The following CTNNA3 variants were observed in gnomAD, a reference collection of about 807,000 sequenced individuals.
CTNNA3 encodes the protein catenin alpha 3, also known as catenin alpha-3.
A neutral mutation model predicts 95.7 loss-of-function variants in CTNNA3; 76 were observed. The ratio of observed to expected loss-of-function variants is 0.79; its 90% CI spans 0.66 to 0.96. CTNNA3 has a LOEUF of 0.96. CTNNA3 is among the 40% of genes least tolerant of loss of function. CTNNA3 has a pLI of 0.00. For synonymous variants in CTNNA3, 431 were observed against 374.4 expected (o/e 1.15, Z -1.74); for missense variants, 1,191 against 1,089.8 (o/e 1.09, Z -1.31).
intron 7 of CTNNA3, among the ~76,000 whole-genome samples, chr10:66,922,091 T>G (rs943335051): frequency 6.6e-6 from 1 of 152,212 alleles, no homozygotes; most frequent in Non-Finnish European, 1.5e-5. Context: ...CAAAATATGT[T>G]TAGCTATTTG....
chr10:66,893,731 T>A (rs1422354677), intron 7 of CTNNA3, among the ~76,000 whole-genome samples: 1 of 152,148 alleles, frequency 6.6e-6, no homozygotes, highest in Non-Finnish European at 1.5e-5. Flanking sequence ...AAGATGAATC[T>A]TTTCAGTACT....
chr10:66,028,120 A>G (rs1159262952), intron 15 of CTNNA3, among the ~76,000 whole-genome samples: 1 of 152,176 alleles, frequency 6.6e-6, no homozygotes, highest in African/African-American at 2.4e-5. Context: ...TCAACATGGA[A>G]AAATCAGTTT....
At chr10:67,673,702 G>T (rs1372457484) in intron 1 of CTNNA3, among the ~76,000 whole-genome samples, 1 of 148,592 alleles carries the variant, frequency 6.7e-6, no homozygotes, top group Non-Finnish European at 1.5e-5. Context: ...TGCATCCCAG[G>T]GATGAAGCCC....
intron 7 of CTNNA3, among the ~76,000 whole-genome samples, chr10:66,890,944 C>G (rs1845246432): frequency 6.6e-6 from 1 of 152,032 alleles, no homozygotes; most frequent in Non-Finnish European, 1.5e-5. Context: ...TGTGCCCCAC[C>G]CACCTCAATT....
chr10:66,639,667 A>G (rs1486197978), intron 9 of CTNNA3, among the ~76,000 whole-genome samples: 1 of 152,152 alleles, frequency 6.6e-6, no homozygotes, highest in Non-Finnish European at 1.5e-5. Flanking sequence ...CAGTAAAAAG[A>G]TAAAACTTGA....
chr10:66,410,432 C>T (rs911578736), intron 11 of CTNNA3, among the ~76,000 whole-genome samples: 62 of 152,110 alleles, frequency 4.1e-4, no homozygotes, highest in African/African-American at 1.5e-3. Context: ...AACCCAGTAC[C>T]AAATAAAGAG....
At chr10:66,193,114 G>A (rs920852928) in intron 13 of CTNNA3, among the ~76,000 whole-genome samples, 4 of 152,068 alleles carry the variant, frequency 2.6e-5, no homozygotes, top group African/African-American at 9.7e-5. Flanking sequence ...ATTGGGAGAA[G>A]GTACAATGAA....
At chr10:67,594,084 C>G (rs1478888027) in intron 3 of CTNNA3, among the ~76,000 whole-genome samples, 1 of 152,184 alleles carries the variant, frequency 6.6e-6, no homozygotes, top group Non-Finnish European at 1.5e-5. Context: ...TTGAACGGAA[C>G]TTGCATCCCA....
chr10:66,217,915 T>A (rs2131970025), intron 13 of CTNNA3, among the ~76,000 whole-genome samples: 1 of 107,268 alleles, frequency 9.3e-6, no homozygotes, highest in South Asian at 4.6e-4. Context: ...CCAGATGAAG[T>A]CTGTCACCTC....
chr10:66,940,193 T>C (rs1847926813), intron 7 of CTNNA3, among the ~76,000 whole-genome samples: 1 of 152,116 alleles, frequency 6.6e-6, no homozygotes, highest in South Asian at 2.1e-4. Context: ...TAATCTACTT[T>C]AGATTCAAAA....
intron 7 of CTNNA3, among the ~76,000 whole-genome samples, chr10:67,067,257 G>A (rs575118852): frequency 6.6e-5 from 10 of 151,942 alleles, no homozygotes; most frequent in East Asian, 5.8e-4. Context: ...TTGTCTGTTC[G>A]TATTAGAATC....
intron 12 of CTNNA3, among the ~76,000 whole-genome samples, chr10:66,333,524 TGTA>T: frequency 6.6e-6 from 1 of 152,238 alleles, no homozygotes. Flanking sequence ...TTAGTTTCCA[TGTA>T]GTTGAGTGGT....
At chr10:66,800,975 A>G (rs1286602077) in intron 7 of CTNNA3, among the ~76,000 whole-genome samples, 2 of 151,342 alleles carry the variant, frequency 1.3e-5, no homozygotes, top group Non-Finnish European at 3.0e-5. Flanking sequence ...AATTTTTCAC[A>G]TACAAAAAAA....
At chr10:66,711,452 A>T (rs1286104378) in intron 9 of CTNNA3, among the ~76,000 whole-genome samples, 1 of 151,922 alleles carries the variant, frequency 6.6e-6, no homozygotes, top group Non-Finnish European at 1.5e-5. Flanking sequence ...CATATGTCCC[A>T]TTATTCAGTC....
chr10:67,064,460 G>T (rs968164954), intron 7 of CTNNA3, among the ~76,000 whole-genome samples: 2 of 151,996 alleles, frequency 1.3e-5, no homozygotes, highest in Non-Finnish European at 2.9e-5. Flanking sequence ...ATTATAAAAA[G>T]AATTAAAGGA....
intron 5 of CTNNA3, among the ~76,000 whole-genome samples, chr10:67,241,578 C>T (rs991832899): frequency 6.6e-6 from 1 of 152,164 alleles, no homozygotes; most frequent in Non-Finnish European, 1.5e-5. Context: ...AAACAGACCA[C>T]TTGTTTCCTG....
At chr10:66,215,663 A>C (rs2088484727) in intron 13 of CTNNA3, among the ~76,000 whole-genome samples, 1 of 152,220 alleles carries the variant, frequency 6.6e-6, no homozygotes, top group Non-Finnish European at 1.5e-5. Flanking sequence ...TCATGATTTA[A>C]AAGAAAACTA....
At chr10:66,160,544 G>C (rs2084787436) in intron 13 of CTNNA3, among the ~76,000 whole-genome samples, 1 of 151,998 alleles carries the variant, frequency 6.6e-6, no homozygotes, top group Non-Finnish European at 1.5e-5. Flanking sequence ...GCTTGAGAGA[G>C]TGCTTGATAT....
chr10:65,938,080 T>C (rs1156657228), intron 17 of CTNNA3, among the ~76,000 whole-genome samples: 1 of 152,136 alleles, frequency 6.6e-6, no homozygotes, highest in Non-Finnish European at 1.5e-5. Context: ...CTGCAAAGAT[T>C]TTGAAGGAAA....
Sources: allele counts gnomAD v4.1 joint callset (sites outside exome capture counted in the v4.1 genomes callset), GRCh38; gene constraint gnomAD v4.1.1; transcripts MANE v1.5; gene names NCBI Gene and HGNC (gene_info 2026-07-23, HGNC 2026-07-21).